STON1: variants seen among roughly 807,000 people sequenced by gnomAD.
The protein encoded by STON1 is stonin-1.
In STON1, 79 loss-of-function variants were observed where a neutral mutation model predicts 60.9. The observed-to-expected ratio is 1.30, with a 90% CI of 1.08 to 1.56. The LOEUF (loss-of-function observed/expected upper bound fraction) is 1.56, where lower values mean the gene tolerates loss of function less well. STON1 is among the 40% of genes most tolerant of loss of function. The pLI is 0.00. For synonymous variants in STON1, 363 were observed against 306.9 expected, an observed-to-expected ratio of 1.18 and a Z score of -1.91; for missense variants, 1,166 against 858.9, an observed-to-expected ratio of 1.36 and a Z score of -4.47.
At chr2:48,571,461 C>A (rs1033645882) in intron 1 of STON1, among the ~76,000 whole-genome samples, 1 of 152,120 alleles carries the variant, frequency 6.6e-6, no homozygotes, top group Non-Finnish European at 1.5e-5. Context: ...GAAGGGCTTT[C>A]TGGGAGGAAC....
rs1671588970 is a variant in STON1, at chr2:48,539,914, T to C, written c.-48+9698T>C. Among the ~76,000 whole-genome samples the C allele has an allele frequency of 2.0e-5, 3 of 152,270 alleles. No homozygotes were observed. The South Asian group carries it at 6.2e-4, about 32-fold the overall frequency. ...GATGTTCCTCTAGACCTATTTCACA[T>C]ATGGAGCAGCTTTTTATGACCTCCA... On this transcript the variant is annotated intron_variant, in intron 1 of 3. Coordinates refer to ENST00000404752, the MANE Select transcript of STON1 (RefSeq NM_006873.4).
intron 3 of STON1, 135 bp downstream of exon 3, chr2:48,591,990 T>C (rs1181853098): frequency 1.5e-5 from 19 of 1,242,936 alleles, no homozygotes; most frequent in Non-Finnish European, 1.8e-5. Context: ...ATCTCAGCTA[T>C]GGAAACTTGA....
At chr2:48,571,752 T>G (rs1558617527) in intron 1 of STON1, among the ~76,000 whole-genome samples, 1 of 152,180 alleles carries the variant, frequency 6.6e-6, no homozygotes, top group Non-Finnish European at 1.5e-5. Flanking sequence ...TGCATGAAAT[T>G]GATCTTAGTT....
chr2:48,575,594 G>A (rs1452925609), intron 1 of STON1, among the ~76,000 whole-genome samples: 1 of 151,554 alleles, frequency 6.6e-6, no homozygotes, highest in African/African-American at 2.4e-5. Flanking sequence ...CAGAGGTTGC[G>A]GTGAGCCGAG....
chr2:48,591,982 C>A, intron 3 of STON1, 127 bp downstream of exon 3: 1 of 1,314,626 alleles, frequency 7.6e-7, no homozygotes, highest in East Asian at 2.6e-5. Flanking sequence ...TAGAGAGGAT[C>A]TCAGCTATGG....
At chr2:48,585,091 A>G (rs1340375681) in intron 2 of STON1, among the ~76,000 whole-genome samples, 1 of 152,156 alleles carries the variant, frequency 6.6e-6, no homozygotes, top group Non-Finnish European at 1.5e-5. Flanking sequence ...CCATACTAGC[A>G]AGGATAGCTC....
At chr2:48,587,387 T>G (rs1674271510) in intron 2 of STON1, among the ~76,000 whole-genome samples, 1 of 152,084 alleles carries the variant, frequency 6.6e-6, no homozygotes, top group African/African-American at 2.4e-5. Flanking sequence ...CCACCTCCTG[T>G]GTTCAAGAGA....
chr2:48,545,639 A>G (rs2103770480), intron 1 of STON1, among the ~76,000 whole-genome samples: 1 of 152,208 alleles, frequency 6.6e-6, no homozygotes, highest in African/African-American at 2.4e-5. Context: ...CTCACTCTCC[A>G]TGGCTATGTA....
chr2:48,580,548 T>G (rs959052104), intron 1 of STON1, 39 bp from the exon 2 acceptor site: 30 of 1,313,172 alleles, frequency 2.3e-5, no homozygotes, highest in Non-Finnish European at 1.8e-5. Context: ...CCCCTTCATT[T>G]TATATACCTA....
chr2:48,569,670 T>G (rs1673103925), intron 1 of STON1, among the ~76,000 whole-genome samples: 2 of 152,226 alleles, frequency 1.3e-5, no homozygotes, highest in African/African-American at 4.8e-5. Context: ...CTTGAAAGAT[T>G]TTATCTTCAA....
intron 1 of STON1, among the ~76,000 whole-genome samples, chr2:48,579,296 C>T (rs995544229): frequency 5.4e-5 from 8 of 149,348 alleles, no homozygotes; most frequent in Non-Finnish European, 1.2e-4. Flanking sequence ...TGAGCCACTG[C>T]ACCCAGCCCT....
At chr2:48,546,929 C>A (rs1420949637) in intron 1 of STON1, among the ~76,000 whole-genome samples, 1 of 152,170 alleles carries the variant, frequency 6.6e-6, no homozygotes, top group East Asian at 1.9e-4. Context: ...AGACATAGAT[C>A]CCAATGGGCA....
At chr2:48,572,171 A>G (rs1435753173) in intron 1 of STON1, among the ~76,000 whole-genome samples, 1 of 152,188 alleles carries the variant, frequency 6.6e-6, no homozygotes, top group Non-Finnish European at 1.5e-5. Context: ...TCTGGAAAAA[A>G]CAAAAAGGAT....
chr2:48,560,020 C>G (rs1672545106), intron 1 of STON1, among the ~76,000 whole-genome samples: 1 of 152,136 alleles, frequency 6.6e-6, no homozygotes, highest in East Asian at 1.9e-4. Context: ...AATATCCTTT[C>G]TGGGCCATTT....
At chr2:48,537,539 T>G (rs1009235779) in intron 1 of STON1, among the ~76,000 whole-genome samples, 3 of 152,190 alleles carry the variant, frequency 2.0e-5, no homozygotes, top group South Asian at 4.1e-4. Context: ...GAAGTTGTTC[T>G]AGAATTTTCT....
chr2:48,595,226 A>C lies in STON1; in HGVS notation c.2134-2A>C. The C allele has an allele frequency of 6.2e-7, 1 of 1,613,308 alleles. No individual in the cohort carries two copies. The highest frequency in any genetic ancestry group is 8.5e-7 in the Non-Finnish European group (1 of 1,179,318). On this transcript the variant is annotated splice_acceptor_variant, in intron 3 of 3. Coordinates refer to ENST00000404752, the MANE Select transcript of STON1 (RefSeq NM_006873.4). LOFTEE classifies it high-confidence loss of function. ...TGCCTGTGTTTTGCTTTTGCATAACAGGTTGAAATAGAAAAGAAGTGGATT... is the reference window on the plus strand; with the variant it reads ...TGCCTGTGTTTTGCTTTTGCATAACCGGTTGAAATAGAAAAGAAGTGGATT...
At chr2:48,574,236 T>C (rs920125347) in intron 1 of STON1, among the ~76,000 whole-genome samples, 2 of 151,816 alleles carry the variant, frequency 1.3e-5, no homozygotes, top group Admixed American at 1.3e-4. Context: ...ATTAGCCGGG[T>C]GTGGTGGCGT....
chr2:48,542,311 G>C (rs1356157447), intron 1 of STON1, among the ~76,000 whole-genome samples: 1 of 152,200 alleles, frequency 6.6e-6, no homozygotes, highest in Non-Finnish European at 1.5e-5. Context: ...CCTTCTATCA[G>C]TGACAATGGG....
At chr2:48,588,195 A>C (rs970825768) in intron 2 of STON1, among the ~76,000 whole-genome samples, 2 of 152,216 alleles carry the variant, frequency 1.3e-5, no homozygotes, top group Non-Finnish European at 2.9e-5. Context: ...ACGCCAATGC[A>C]TCTGGCCCAA....
Sources: gnomAD v4.1 joint callset for allele counts (sites outside exome capture counted in the v4.1 genomes callset) on GRCh38, gnomAD v4.1.1 for gene constraint, MANE v1.5 for transcripts, NCBI Gene and HGNC (gene_info 2026-07-23, HGNC 2026-07-21) for gene names.